EPHA6: variants seen among roughly 807,000 people sequenced by gnomAD.
EPHA6 encodes EPH receptor A6.
In EPHA6, 50 loss-of-function variants were observed where a neutral mutation model predicts 112.0. The observed-to-expected ratio is 0.45, with a 90% CI of 0.36 to 0.56. The LOEUF is 0.56. Among genes scored for constraint, EPHA6 ranks in the 20% least tolerant of loss-of-function variants. EPHA6 has a pLI of 0.00. For missense variants in EPHA6, 1,280 were observed against 1,417.4 expected (o/e 0.90, Z 1.56); for synonymous variants, 529 against 490.7 (o/e 1.08, Z -1.03).
intron 11 of EPHA6, among the ~76,000 whole-genome samples, chr3:97,576,361 G>T (rs181412642): frequency 6.6e-6 from 1 of 152,146 alleles, no homozygotes; most frequent in Admixed American, 6.5e-5. Context: ...GAAAGAAAGG[G>T]TTTATCAATG....
intron 3 of EPHA6, among the ~76,000 whole-genome samples, chr3:97,036,962 C>G (rs139411718): frequency 3.3e-4 from 50 of 151,966 alleles, no homozygotes; most frequent in Middle Eastern, 6.8e-3. Flanking sequence ...CTGGAGAATT[C>G]CATGGCCATT....
chr3:97,654,792 T>C (rs2094127924), intron 14 of EPHA6, among the ~76,000 whole-genome samples: 1 of 151,900 alleles, frequency 6.6e-6, no homozygotes, highest in Non-Finnish European at 1.5e-5. Context: ...AGCCAGATGC[T>C]GTAGGAACTC....
At chr3:96,983,209 T>G (rs1191116471) in intron 2 of EPHA6, among the ~76,000 whole-genome samples, 1 of 152,194 alleles carries the variant, frequency 6.6e-6, no homozygotes, top group Non-Finnish European at 1.5e-5. Context: ...CCTTTCTATG[T>G]TTAGTGCTTC....
chr3:97,197,929 G>T (rs752162975), intron 3 of EPHA6, among the ~76,000 whole-genome samples: 7 of 152,010 alleles, frequency 4.6e-5, no homozygotes, highest in African/African-American at 7.2e-5. Context: ...ATTATCTCCT[G>T]CATTGCTTTC....
intron 14 of EPHA6, among the ~76,000 whole-genome samples, chr3:97,658,342 A>G (rs2094148777): frequency 6.6e-6 from 1 of 151,728 alleles, no homozygotes; most frequent in Non-Finnish European, 1.5e-5. Context: ...ATATAGACCA[A>G]TGTAAAAATG....
chr3:97,187,729 G>GAA (rs1284913061), intron 3 of EPHA6, among the ~76,000 whole-genome samples: 3 of 147,936 alleles, frequency 2.0e-5, no homozygotes, highest in Non-Finnish European at 4.5e-5. Flanking sequence ...AAGAAAGAAA[G>GAA]AAAGAAAGAA....
intron 1 of EPHA6, among the ~76,000 whole-genome samples, chr3:96,844,324 T>C (rs757439699): frequency 4.1e-4 from 62 of 152,030 alleles, no homozygotes; most frequent in Admixed American, 2.0e-3. Context: ...TGGTTTTCCC[T>C]GTGTACTATT....
intron 2 of EPHA6, among the ~76,000 whole-genome samples, chr3:96,875,417 A>G (rs1485560560): frequency 3.9e-5 from 6 of 152,130 alleles, no homozygotes; most frequent in African/African-American, 1.4e-4. Context: ...ACTATCTCAG[A>G]ATATTCCTTC....
At chr3:97,645,157 ATTACT>A (rs2094047300) in intron 14 of EPHA6, among the ~76,000 whole-genome samples, 1 of 151,926 alleles carries the variant, frequency 6.6e-6, no homozygotes, top group Non-Finnish European at 1.5e-5. Context: ...CAGCCATCCC[ATTACT>A]AGGTATATAC....
chr3:96,823,507 C>T (rs547385326), intron 1 of EPHA6, among the ~76,000 whole-genome samples: 5 of 129,754 alleles, frequency 3.9e-5, no homozygotes, highest in Non-Finnish European at 7.9e-5. Flanking sequence ...TTAAAAATCT[C>T]TTCTTTTCTT....
chr3:97,451,300 A>G (rs1461778022), intron 7 of EPHA6, among the ~76,000 whole-genome samples: 2 of 152,018 alleles, frequency 1.3e-5, no homozygotes, highest in Non-Finnish European at 2.9e-5. Context: ...TGACAAGATT[A>G]TGCCTCATTT....
intron 10 of EPHA6, among the ~76,000 whole-genome samples, chr3:97,489,829 T>A (rs1352018451): frequency 1.3e-5 from 2 of 151,802 alleles, no homozygotes. Context: ...AACGTAAAAC[T>A]ATTCTACAGT....
chr3:97,190,395 C>T (rs987354868), intron 3 of EPHA6, among the ~76,000 whole-genome samples: 2 of 152,030 alleles, frequency 1.3e-5, no homozygotes, highest in Admixed American at 1.3e-4. Flanking sequence ...TGTAAAAGCA[C>T]CCCAACTTCT....
chr3:97,395,317 T>C (rs1353366462), intron 5 of EPHA6, among the ~76,000 whole-genome samples: 1 of 151,828 alleles, frequency 6.6e-6, no homozygotes, highest in African/African-American at 2.4e-5. Context: ...CAGATATTCT[T>C]AGGAACTATT....
intron 3 of EPHA6, among the ~76,000 whole-genome samples, chr3:97,038,713 A>G (rs59137081): frequency 0.17 from 25,322 of 151,822 alleles, 2,460 homozygotes; most frequent in Non-Finnish European, 0.22. Context: ...GTAGGCAGGG[A>G]CCAGACTCCT....
At chr3:97,276,283 A>G (rs1483344659) in intron 5 of EPHA6, among the ~76,000 whole-genome samples, 1 of 152,166 alleles carries the variant, frequency 6.6e-6, no homozygotes, top group Non-Finnish European at 1.5e-5. Flanking sequence ...GGAGTCAGTC[A>G]GAGAGCCTTG....
Position 97,591,561 on chromosome 3 carries a change from T to C in EPHA6, c.2387-1051T>C, listed in dbSNP as rs62262782. Among the ~76,000 whole-genome samples, 1,045 of 152,242 alleles carry C rather than the reference T, an allele frequency of 6.9e-3. 8 individuals are homozygous for C. The highest frequency in any genetic ancestry group is 0.018 in the South Asian group (87 of 4,822). On this transcript the variant is annotated intron_variant, in intron 11 of 17. Coordinates refer to ENST00000389672, the MANE Select transcript of EPHA6 (RefSeq NM_001080448.3). ...TCAGTGTAACTTGTTTTGTTTTGTT[T>C]TGTTGGTGGGTGGGGGAGGGTTCTA... is the stretch of plus-strand genomic sequence containing the variant.
At chr3:97,001,956 A>G (rs936089737) in intron 3 of EPHA6, among the ~76,000 whole-genome samples, 1 of 152,084 alleles carries the variant, frequency 6.6e-6, no homozygotes, top group Non-Finnish European at 1.5e-5. Flanking sequence ...GTTCTGTTGG[A>G]CAGAGATAAC....
intron 5 of EPHA6, among the ~76,000 whole-genome samples, chr3:97,390,352 C>T (rs2086328350): frequency 1.3e-5 from 2 of 151,938 alleles, no homozygotes; most frequent in Admixed American, 6.6e-5. Flanking sequence ...TTCAGCATTC[C>T]CTTCAGTAGC....
Sources: gnomAD v4.1 joint callset for allele counts (sites outside exome capture counted in the v4.1 genomes callset) on GRCh38, gnomAD v4.1.1 for gene constraint, MANE v1.5 for transcripts, NCBI Gene and HGNC (gene_info 2026-07-23, HGNC 2026-07-21) for gene names.